Variants in DCDC1 observed in about 807,000 individuals in gnomAD.
DCDC1 encodes doublecortin domain containing 1, also known as doublecortin domain-containing protein 1.
In DCDC1, 200 loss-of-function variants were observed where a neutral mutation model predicts 178.3. The observed-to-expected ratio is 1.12, with a 90% CI of 1.00 to 1.26. DCDC1 has a LOEUF of 1.26. Ranked by LOEUF, DCDC1 falls within the 50% of genes most tolerant of loss-of-function variation. The pLI, the probability that DCDC1 is intolerant of heterozygous loss-of-function variation, is 0.00. For missense variants in DCDC1, 1,983 were observed against 1,749.2 expected, an observed-to-expected ratio of 1.13 and a Z score of -2.38; for synonymous variants, 690 against 604.8, an observed-to-expected ratio of 1.14 and a Z score of -2.07.
chr11:30,934,231 G>T (rs1311186761), intron 21 of DCDC1, among the ~76,000 whole-genome samples: 1 of 152,084 alleles, frequency 6.6e-6, no homozygotes, highest in Non-Finnish European at 1.5e-5. Context: ...CGACCCCCTA[G>T]GGACTCCTAT....
At chr11:31,279,963 C>T (rs1296193386) in intron 7 of DCDC1, among the ~76,000 whole-genome samples, 1 of 151,838 alleles carries the variant, frequency 6.6e-6, no homozygotes, top group Non-Finnish European at 1.5e-5. Flanking sequence ...AATTATTTCT[C>T]AAACATTAAA....
intron 3 of DCDC1, among the ~76,000 whole-genome samples, chr11:31,308,140 A>C (rs1477753578): frequency 6.6e-6 from 1 of 152,222 alleles, no homozygotes; most frequent in Non-Finnish European, 1.5e-5. Context: ...CCACTGTCAC[A>C]TAATCAATAA....
chr11:31,326,788 C>A (rs994611002), intron 3 of DCDC1, among the ~76,000 whole-genome samples: 6 of 152,146 alleles, frequency 3.9e-5, no homozygotes, highest in South Asian at 4.1e-4. Context: ...TATGATCTAA[C>A]ATTTCCATAA....
chr11:31,036,284 A>G (rs1328795654), intron 20 of DCDC1, among the ~76,000 whole-genome samples: 1 of 152,206 alleles, frequency 6.6e-6, no homozygotes. Context: ...GAGAAAGGCA[A>G]AAACTGTTCA....
At chr11:31,272,192 A>C (rs1468075642) in intron 7 of DCDC1, among the ~76,000 whole-genome samples, 1 of 151,788 alleles carries the variant, frequency 6.6e-6, no homozygotes, top group Admixed American at 6.6e-5. Flanking sequence ...CAGAGCTGAT[A>C]AGACGTTTTC....
chr11:31,288,051 T>A (rs1471983928), intron 7 of DCDC1, among the ~76,000 whole-genome samples: 1 of 151,526 alleles, frequency 6.6e-6, no homozygotes, highest in African/African-American at 2.4e-5. Flanking sequence ...TGGGAAAAAA[T>A]TAAACATTTT....
chr11:31,336,122 T>C (rs1041478861), intron 1 of DCDC1, among the ~76,000 whole-genome samples: 1 of 152,158 alleles, frequency 6.6e-6, no homozygotes, highest in Non-Finnish European at 1.5e-5. Context: ...TGTACAGATG[T>C]TAATAGGTAA....
In DCDC1 at chr11:31,210,484, AG is replaced by A. The variant is rs551117871; in HGVS notation, c.1221+30965del. On this transcript the variant is annotated intron_variant, in intron 9 of 38. Coordinates refer to ENST00000684477, the MANE Select transcript of DCDC1 (RefSeq NM_001387274.1). ...TCCCAGCACTTTGGGAGGCCGAGGC[AG>A]GTGGATCATGAGGTCAGGAGTTCAA... 5.4e-3 allele frequency among the ~76,000 whole-genome samples: 820 copies of A among 152,148 alleles called. 3 individuals carry two copies. The highest frequency in any genetic ancestry group is 8.5e-3 in the Admixed American group (130 of 15,284).
At chr11:30,887,205 G>A (rs576863400) in intron 36 of DCDC1, among the ~76,000 whole-genome samples, 1 of 152,050 alleles carries the variant, frequency 6.6e-6, no homozygotes, top group Non-Finnish European at 1.5e-5. Flanking sequence ...GCTGAAGAAC[G>A]ACTTGTATTC....
At chr11:31,230,856 C>T (rs1014383024) in intron 9 of DCDC1, among the ~76,000 whole-genome samples, 7 of 150,490 alleles carry the variant, frequency 4.7e-5, no homozygotes, top group Admixed American at 2.0e-4. Flanking sequence ...AAAATCTATC[C>T]GGTGAGGTGA....
chr11:31,289,299 T>G (rs564205351), intron 7 of DCDC1, among the ~76,000 whole-genome samples: 1 of 152,122 alleles, frequency 6.6e-6, no homozygotes, highest in South Asian at 2.1e-4. Context: ...ATTTTAACAG[T>G]CCAAGAGATA....
At chr11:30,967,924 T>C (rs1391730685) in intron 20 of DCDC1, among the ~76,000 whole-genome samples, 1 of 152,024 alleles carries the variant, frequency 6.6e-6, no homozygotes, top group Non-Finnish European at 1.5e-5. Context: ...AAAAAAATGA[T>C]GAGGTATGAG....
At chr11:30,888,036 AAG>A (rs1565028881) in intron 36 of DCDC1, among the ~76,000 whole-genome samples, 1 of 67,854 alleles carries the variant, frequency 1.5e-5, no homozygotes, top group Non-Finnish European at 2.7e-5. Context: ...GAGAGAGAGA[AAG>A]AAAGAAAGAA....
intron 38 of DCDC1, among the ~76,000 whole-genome samples, chr11:30,870,475 G>T (rs1259571867): frequency 2.0e-5 from 3 of 152,092 alleles, no homozygotes; most frequent in Admixed American, 2.0e-4. Flanking sequence ...TTGAGAGTGA[G>T]GTAGTAGGAA....
chr11:30,892,787 C>T, intron 36 of DCDC1, 31 bp downstream of exon 36: 1 of 1,612,408 alleles, frequency 6.2e-7, no homozygotes, highest in Non-Finnish European at 8.5e-7. Context: ...AAACTCAGGC[C>T]TATGAAACAC....
intron 1 of DCDC1, among the ~76,000 whole-genome samples, chr11:31,339,910 T>C (rs906947266): frequency 3.9e-5 from 6 of 152,166 alleles, no homozygotes; most frequent in Admixed American, 3.9e-4. Flanking sequence ...GCCTCCTTTT[T>C]AAATGAAAAG....
intron 21 of DCDC1, among the ~76,000 whole-genome samples, chr11:30,936,354 T>C (rs567047686): frequency 3.0e-4 from 45 of 152,268 alleles, no homozygotes; most frequent in African/African-American, 1.1e-3. Flanking sequence ...GTTCAAAGCA[T>C]TTTAGTTTCT....
chr11:31,127,969 C>T (rs1006795750), intron 10 of DCDC1, among the ~76,000 whole-genome samples: 4 of 151,940 alleles, frequency 2.6e-5, no homozygotes, highest in South Asian at 2.1e-4. Flanking sequence ...AAAATAAAAC[C>T]CTCCTAGGAC....
intron 6 of DCDC1, among the ~76,000 whole-genome samples, chr11:31,296,209 T>A (rs1242506120): frequency 6.6e-6 from 1 of 152,110 alleles, no homozygotes; most frequent in Non-Finnish European, 1.5e-5. Context: ...AAGACACAAG[T>A]CCTTTTTCCT....
Sources: gnomAD v4.1 joint callset for allele counts (sites outside exome capture counted in the v4.1 genomes callset) on GRCh38, gnomAD v4.1.1 for gene constraint, MANE v1.5 for transcripts, NCBI Gene and HGNC (gene_info 2026-07-23, HGNC 2026-07-21) for gene names.